Variants in UBE2D2 observed in about 807,000 individuals in gnomAD.
The protein encoded by UBE2D2 is ubiquitin-conjugating enzyme E2 D2.
UBE2D2 carries 2 observed loss-of-function variants against 24.2 expected under a neutral mutation model. The ratio of observed to expected loss-of-function variants is 0.08; its 90% CI spans 0.03 to 0.26. The LOEUF (loss-of-function observed/expected upper bound fraction) is 0.26. Ranked by LOEUF, UBE2D2 falls within the 10% of genes least tolerant of loss-of-function variation. UBE2D2 has a pLI of 1.00. For synonymous variants in UBE2D2, 58 were observed against 56.5 expected (o/e 1.03, Z -0.12); for missense variants, 44 against 177.6 (o/e 0.25, Z 4.28).
intron 1 of UBE2D2, among the ~76,000 whole-genome samples, chr5:139,533,180 T>C (rs1208941524): frequency 6.6e-6 from 1 of 151,636 alleles, no homozygotes; most frequent in Non-Finnish European, 1.5e-5. Flanking sequence ...TACATACACA[T>C]ACACACTTTT....
chr5:139,615,073 A>T (rs1345347444), intron 5 of UBE2D2, 107 bp downstream of exon 5: 16 of 1,100,192 alleles, frequency 1.5e-5, no homozygotes, highest in African/African-American at 1.6e-5. Context: ...AAGAGATAGC[A>T]ATTCTTCTTA....
chr5:139,578,621 T>A (rs570237328), intron 1 of UBE2D2, among the ~76,000 whole-genome samples: 3 of 152,176 alleles, frequency 2.0e-5, no homozygotes, highest in Non-Finnish European at 2.9e-5. Context: ...CCTGGCTTTT[T>A]AAAAAAATTT....
upstream of UBE2D2, among the ~76,000 whole-genome samples, chr5:139,557,614 T>C (rs1752999844): frequency 6.6e-6 from 1 of 151,790 alleles, no homozygotes; most frequent in African/African-American, 2.4e-5. Context: ...CCAGGCGTTG[T>C]GGTGCACACC....
intron 1 of UBE2D2, among the ~76,000 whole-genome samples, chr5:139,579,786 AT>A (rs1431337834): frequency 1.3e-5 from 2 of 151,948 alleles, no homozygotes; most frequent in Non-Finnish European, 2.9e-5. Context: ...GGTGGCTCAC[AT>A]CTGTAATCCC....
chr5:139,607,210 G>C (rs894962841), intron 2 of UBE2D2, among the ~76,000 whole-genome samples: 3 of 152,182 alleles, frequency 2.0e-5, no homozygotes, highest in African/African-American at 7.2e-5. Flanking sequence ...GTCTAGAAAG[G>C]CTTCCAGAGA....
chr5:139,612,774 G>A (rs1330144283), intron 2 of UBE2D2, among the ~76,000 whole-genome samples: 2 of 152,140 alleles, frequency 1.3e-5, no homozygotes, highest in South Asian at 2.1e-4. Context: ...GCATGCATGC[G>A]TGTGAGCATG....
At chr5:139,584,432 A>G (rs1331260173) in intron 1 of UBE2D2, among the ~76,000 whole-genome samples, 3 of 145,696 alleles carry the variant, frequency 2.1e-5, no homozygotes. Flanking sequence ...TTCATAACAC[A>G]TTTCCATCTC....
At chr5:139,582,997 C>G (rs1165561064) in intron 1 of UBE2D2, among the ~76,000 whole-genome samples, 1 of 145,418 alleles carries the variant, frequency 6.9e-6, no homozygotes, top group African/African-American at 2.6e-5. Context: ...TTTTTGAAGA[C>G]GGCGTCTCGC....
At chr5:139,613,040 A>G (rs1754356468) in intron 2 of UBE2D2, among the ~76,000 whole-genome samples, 2 of 152,224 alleles carry the variant, frequency 1.3e-5, no homozygotes, top group South Asian at 4.1e-4. Flanking sequence ...AGTCCATTAA[A>G]TGGTCAGCAG....
At position 139,531,727 on chromosome 5, in the gene UBE2D2, C is replaced by T. The variant is rs141934958; in HGVS notation, c.-64+5115C>T. 2.0e-3 allele frequency among the ~76,000 whole-genome samples: 304 copies of T among 151,926 alleles called. 5 individuals are homozygous for T. In the East Asian group the frequency reaches 0.045, roughly 22 times the overall value. On this transcript the variant is annotated intron_variant, in intron 1 of 6. Coordinates refer to the UBE2D2 transcript ENST00000511725. ...CTGTAATCCCAGCACTTTGGGAGGCCGAAGTGGGAGGATCACTTGAGCTCA... is the reference window on the plus strand; with the variant it reads ...CTGTAATCCCAGCACTTTGGGAGGCTGAAGTGGGAGGATCACTTGAGCTCA...
intron 2 of UBE2D2, among the ~76,000 whole-genome samples, chr5:139,604,285 C>T (rs1019336028): frequency 3.3e-5 from 5 of 151,650 alleles, no homozygotes; most frequent in South Asian, 2.1e-4. Context: ...ATTATAGGCA[C>T]GTGCCCCGCC....
intron 1 of UBE2D2, among the ~76,000 whole-genome samples, chr5:139,586,730 A>G (rs1009679298): frequency 4.0e-5 from 6 of 151,882 alleles, no homozygotes; most frequent in Non-Finnish European, 5.9e-5. Context: ...TCGCCACTGC[A>G]CTCCAGCCTG....
At chr5:139,601,681 C>T (rs144615861) in intron 2 of UBE2D2, among the ~76,000 whole-genome samples, 2 of 151,936 alleles carry the variant, frequency 1.3e-5, no homozygotes, top group Non-Finnish European at 2.9e-5. Context: ...AAGGCCGAGG[C>T]GGGCGGATCA....
intron 1 of UBE2D2, among the ~76,000 whole-genome samples, chr5:139,539,587 C>A (rs1303563726): frequency 6.6e-6 from 1 of 151,878 alleles, no homozygotes; most frequent in African/African-American, 2.4e-5. Context: ...GTACCAACAT[C>A]AATTTCCTAA....
At chr5:139,572,697 G>A (rs1753375389) in intron 1 of UBE2D2, among the ~76,000 whole-genome samples, 1 of 148,146 alleles carries the variant, frequency 6.8e-6, no homozygotes. Context: ...CCAGGCTGTA[G>A]TGCAATGGCG....
At chr5:139,544,350 C>T (rs1370381431) in intron 1 of UBE2D2, among the ~76,000 whole-genome samples, 3 of 150,760 alleles carry the variant, frequency 2.0e-5, no homozygotes, top group Non-Finnish European at 4.4e-5. Context: ...TGCAATGGCG[C>T]GATCTCGGAT....
At chr5:139,619,289 G>A (rs747516772) in intron 5 of UBE2D2, among the ~76,000 whole-genome samples, 6 of 151,870 alleles carry the variant, frequency 4.0e-5, no homozygotes, top group South Asian at 2.1e-4. Flanking sequence ...CCAACTACTC[G>A]GGAGGCTGAG....
At chr5:139,616,145 A>G (rs996763099) in intron 5 of UBE2D2, among the ~76,000 whole-genome samples, 1 of 149,750 alleles carries the variant, frequency 6.7e-6, no homozygotes, top group Non-Finnish European at 1.5e-5. Flanking sequence ...AATAATCTAG[A>G]ATTTATAAAG....
Position 139,548,193 on chromosome 5 carries a change from A to AAAAAAAAAAAAAAAAAATAAATAAAT in UBE2D2, c.-64+21584_-64+21585insAAAAAAAAAAAAAATAAATAAATAAA. The stretch of plus-strand genomic sequence containing the variant: ...AAAAAAAAAAAAAAAATAAAAAAAA[A>AAAAAAAAAAAAAAAAAATAAATAAAT]AAATAAATAAATAAATAAATAAACG... On this transcript the variant is annotated intron_variant, in intron 1 of 6. Transcript: ENST00000511725. Among the ~76,000 whole-genome samples the AAAAAAAAAAAAAAAAAATAAATAAAT allele has an allele frequency of 1.8e-3, 85 of 47,040 alleles. 1 individual carries two copies. Among genetic ancestry groups the AAAAAAAAAAAAAAAAAATAAATAAAT allele is most frequent in the Non-Finnish European group, 2.6e-3 (69 of 26,308 alleles). 30.9% of individuals were successfully genotyped at this position (47,040 alleles called of 152,430 possible).
Sources: gnomAD v4.1 joint callset for allele counts (sites outside exome capture counted in the v4.1 genomes callset) on GRCh38, gnomAD v4.1.1 for gene constraint, MANE v1.5 for transcripts, NCBI Gene and HGNC (gene_info 2026-07-23, HGNC 2026-07-21) for gene names.